TNNI3K: variants seen among roughly 807,000 people sequenced by gnomAD.
TNNI3K encodes the protein serine/threonine-protein kinase TNNI3K.
TNNI3K carries 140 observed loss-of-function variants against 114.5 expected under a neutral mutation model. That is an observed-to-expected ratio of 1.22 (90% CI 1.07 to 1.41). The LOEUF (loss-of-function observed/expected upper bound fraction) is 1.41. TNNI3K is among the 40% of genes most tolerant of loss of function. The pLI is 0.00. For missense variants in TNNI3K, 1,125 were observed against 1,007.6 expected, an observed-to-expected ratio of 1.12 and a Z score of -1.58; for synonymous variants, 347 against 347.5, an observed-to-expected ratio of 1.00 and a Z score of 0.02.
intron 5 of TNNI3K, among the ~76,000 whole-genome samples, chr1:74,281,518 A>C (rs745330046): frequency 2.0e-5 from 3 of 152,160 alleles, no homozygotes; most frequent in Non-Finnish European, 4.4e-5. Context: ...ACATTAATGT[A>C]CAATTTAACT....
chr1:74,260,195 CTTATAA>C (rs1045507821), intron 4 of TNNI3K, among the ~76,000 whole-genome samples: 77 of 152,192 alleles, frequency 5.1e-4, no homozygotes, highest in African/African-American at 1.5e-3. Flanking sequence ...TATTGTAGCA[CTTATAA>C]TTATTTATTT....
intron 21 of TNNI3K, among the ~76,000 whole-genome samples, chr1:74,486,217 G>C (rs1485124504): frequency 6.6e-6 from 1 of 151,728 alleles, no homozygotes; most frequent in Non-Finnish European, 1.5e-5. Context: ...GAGAGAGAGA[G>C]AGAGAGAGAG....
intron 5 of TNNI3K, among the ~76,000 whole-genome samples, chr1:74,310,826 T>A (rs1464822646): frequency 1.3e-5 from 2 of 152,178 alleles, no homozygotes; most frequent in African/African-American, 4.8e-5. Context: ...ATTTAGAATC[T>A]TGGTAAATTT....
chr1:74,474,814 G>A (rs1668110155), intron 21 of TNNI3K, among the ~76,000 whole-genome samples: 1 of 151,974 alleles, frequency 6.6e-6, no homozygotes, highest in African/African-American at 2.4e-5. Context: ...AGCTCAGCAA[G>A]CAAAGTACGT....
At chr1:74,325,436 C>T (rs1659844499) in intron 5 of TNNI3K, among the ~76,000 whole-genome samples, 1 of 152,142 alleles carries the variant, frequency 6.6e-6, no homozygotes, top group South Asian at 2.1e-4. Flanking sequence ...TCTGGATCAA[C>T]TACATTGAGG....
At position 74,235,488 on chromosome 1, in the gene TNNI3K, A is replaced by G. The variant is rs1451279328; in HGVS notation, c.37A>G (p.Thr13Ala). The part of the protein sequence containing the change: ...NYKSRPTQTC[T>A]DEWKKKVSES... Reference sequence around the variant, plus strand: ...TAAATCTAGACCAACCCAAACTTGTACTGGTAATTATTCTAATTATTCTTA... The same window carrying G: ...TAAATCTAGACCAACCCAAACTTGTGCTGGTAATTATTCTAATTATTCTTA... The change falls in exon 1 of 25, where the codon ACT (threonine) becomes GCT (alanine). Residue 13 changes from threonine to alanine, a missense_variant. Transcript: ENST00000326637. The G allele has an allele frequency of 5.6e-6, 8 of 1,441,106 alleles. No individual in the cohort carries two copies. Among genetic ancestry groups the G allele is most frequent in the Non-Finnish European group, 7.7e-6 (8 of 1,042,506 alleles). The allele number at this position is 1,441,106 out of a possible 1,614,324, so 89.3% of individuals were successfully genotyped here. A position where few individuals can be genotyped will look rare whatever the true frequency, so the allele number is the denominator to read the frequency against.
At position 74,492,124 on chromosome 1, in the gene TNNI3K, A is replaced by G; in HGVS notation, c.2209A>G (p.Ser737Gly). 6.2e-7 allele frequency: 1 copy of G among 1,610,756 alleles called. No homozygotes were observed. The highest frequency in any genetic ancestry group is 8.5e-7 in the Non-Finnish European group (1 of 1,177,582). The change falls in exon 23 of 25, where the codon AGT becomes GGT. Residue 737 changes from serine (S) to glycine (G), a missense_variant. Ser to Gly is a moderately conservative substitution (Grantham distance 56, BLOSUM62 0). Coordinates refer to ENST00000326637, the MANE Select transcript of TNNI3K (RefSeq NM_015978.3). ...ELMSPASSNS[S>G]GSLSPSSSSD... ...GATGTCTCCTGCATCAAGTAACAGC[A>G]GTGGGTCTCTCTCACCTTCTTCTTC...
chr1:74,458,640 T>C (rs539327251), intron 20 of TNNI3K, among the ~76,000 whole-genome samples: 8 of 152,322 alleles, frequency 5.3e-5, no homozygotes, highest in African/African-American at 1.4e-4. Context: ...GAATAAGATA[T>C]TTATTGCTGT....
chr1:74,372,515 T>A (rs1258687083), intron 17 of TNNI3K: 1 of 151,962 alleles, frequency 6.6e-6, no homozygotes, highest in East Asian at 1.9e-4. Flanking sequence ...TCTTAATTTT[T>A]AGCTATTAGT....
chr1:74,339,017 C>G (rs146384052), intron 7 of TNNI3K, among the ~76,000 whole-genome samples: 21 of 152,204 alleles, frequency 1.4e-4, no homozygotes, highest in African/African-American at 5.1e-4. Flanking sequence ...TCCAAGGGGT[C>G]AGGAACTACA....
chr1:74,413,000 G>A (rs1664958012), intron 17 of TNNI3K, among the ~76,000 whole-genome samples: 1 of 152,166 alleles, frequency 6.6e-6, no homozygotes, highest in African/African-American at 2.4e-5. Flanking sequence ...GTAACTCAGT[G>A]AAAGATAGTC....
intron 20 of TNNI3K, among the ~76,000 whole-genome samples, chr1:74,443,669 A>G (rs2100678301): frequency 6.6e-6 from 1 of 152,334 alleles, no homozygotes; most frequent in South Asian, 2.1e-4. Context: ...TGAGACCAGC[A>G]TCATCCTGAC....
At chr1:74,240,396 G>A (rs914779037) in intron 2 of TNNI3K, 2 of 152,426 alleles carry the variant, frequency 1.3e-5, no homozygotes, top group Admixed American at 6.5e-5. Flanking sequence ...ACAACCCTCT[G>A]AAGTAAGTGT....
chr1:74,259,678 T>G (rs1014930993), intron 4 of TNNI3K, among the ~76,000 whole-genome samples: 1 of 151,900 alleles, frequency 6.6e-6, no homozygotes, highest in Admixed American at 6.6e-5. Flanking sequence ...GAGGCTAAGG[T>G]GGGAGAATCA....
intron 20 of TNNI3K, among the ~76,000 whole-genome samples, chr1:74,458,335 G>A (rs1446433628): frequency 6.6e-6 from 1 of 152,136 alleles, no homozygotes; most frequent in South Asian, 2.1e-4. Flanking sequence ...TAATGCTCAT[G>A]AGGCAAATTG....
intron 20 of TNNI3K, among the ~76,000 whole-genome samples, chr1:74,449,518 T>C (rs1666886338): frequency 6.6e-6 from 1 of 151,974 alleles, no homozygotes; most frequent in Non-Finnish European, 1.5e-5. Context: ...CCATCTCACG[T>C]GCAGAGACAC....
chr1:74,252,223 C>T (rs923004534), intron 4 of TNNI3K, among the ~76,000 whole-genome samples: 1 of 152,100 alleles, frequency 6.6e-6, no homozygotes, highest in Admixed American at 6.5e-5. Context: ...TCTTCAACCT[C>T]TGTTTATAAT....
At chr1:74,481,931 A>G (rs1180040536) in intron 21 of TNNI3K, among the ~76,000 whole-genome samples, 1 of 152,168 alleles carries the variant, frequency 6.6e-6, no homozygotes, top group South Asian at 2.1e-4. Context: ...TTCAGACTGC[A>G]TCGCGGAAAC....
intron 5 of TNNI3K, among the ~76,000 whole-genome samples, chr1:74,313,516 C>T (rs1032826858): frequency 7.2e-5 from 11 of 152,160 alleles, no homozygotes; most frequent in Admixed American, 2.6e-4. Flanking sequence ...TTTTCCTAAA[C>T]CTGGAGTCTT....
Sources: allele counts gnomAD v4.1 joint callset (sites outside exome capture counted in the v4.1 genomes callset), GRCh38; gene constraint gnomAD v4.1.1; transcripts MANE v1.5; gene names NCBI Gene and HGNC (gene_info 2026-07-23, HGNC 2026-07-21).